The following STAG1 variants were observed in gnomAD, a reference collection of about 807,000 sequenced individuals.
STAG1 encodes cohesin subunit SA-1.
A neutral mutation model predicts 170.9 loss-of-function variants in STAG1; 26 were observed. The observed-to-expected ratio is 0.15, with a 90% CI of 0.11 to 0.21. STAG1 has a LOEUF of 0.21. STAG1 is among the 10% of genes least tolerant of loss of function. STAG1 has a pLI of 1.00. For synonymous variants in STAG1, 514 were observed against 497.7 expected, an observed-to-expected ratio of 1.03 and a Z score of -0.44; for missense variants, 964 against 1,509.5, an observed-to-expected ratio of 0.64 and a Z score of 5.99.
chr3:136,355,463 A>C (rs1396283129), intron 28 of STAG1, among the ~76,000 whole-genome samples: 2 of 152,044 alleles, frequency 1.3e-5, no homozygotes, highest in Non-Finnish European at 2.9e-5. Flanking sequence ...ATTCAATAGT[A>C]ATATTTGGAG....
intron 21 of STAG1, among the ~76,000 whole-genome samples, chr3:136,409,354 T>G (rs1435562582): frequency 6.6e-6 from 1 of 152,076 alleles, no homozygotes; most frequent in East Asian, 1.9e-4. Flanking sequence ...GTGACTATTT[T>G]TTTTTCCTTT....
At chr3:136,348,899 T>G in intron 29 of STAG1, 1 of 477,862 alleles carries the variant, frequency 2.1e-6, no homozygotes, top group South Asian at 2.3e-5. Context: ...GTATGGGGAT[T>G]GATTTTATAG....
At chr3:136,567,500 A>G (rs1386119324) in intron 5 of STAG1, among the ~76,000 whole-genome samples, 1 of 152,134 alleles carries the variant, frequency 6.6e-6, no homozygotes, top group African/African-American at 2.4e-5. Flanking sequence ...ATCTCACATC[A>G]GAGTTTATTT....
chr3:136,369,993 T>C (rs1937236246), intron 23 of STAG1, among the ~76,000 whole-genome samples: 1 of 152,184 alleles, frequency 6.6e-6, no homozygotes, highest in Admixed American at 6.6e-5. Flanking sequence ...ATCTAACTTG[T>C]GTATAGAACC....
chr3:136,678,277 C>T (rs2107883590), intron 1 of STAG1, among the ~76,000 whole-genome samples: 1 of 150,588 alleles, frequency 6.6e-6, no homozygotes, highest in East Asian at 1.9e-4. Context: ...AATAACAGTG[C>T]ATATTAGACT....
At chr3:136,508,642 G>A (rs1933889692) in intron 7 of STAG1, among the ~76,000 whole-genome samples, 1 of 152,212 alleles carries the variant, frequency 6.6e-6, no homozygotes, top group South Asian at 2.1e-4. Flanking sequence ...ATCCACAACT[G>A]TGCCACTGCA....
chr3:136,521,339 C>G lies in STAG1; in HGVS notation c.550G>C (p.Val184Leu). 6.2e-7 allele frequency: 1 copy of G among 1,613,732 alleles called. No individual in the cohort carries two copies. The highest frequency in any genetic ancestry group is 8.5e-7 in the Non-Finnish European group (1 of 1,179,786). ...CTATACTGACACTGTCGAATCAGGA[C>G]TCCAATAAATTCACAAAAGTTTGAA... Reference protein sequence around the residue: ...FRSNFCEFIGVLIRQCQYSII... With the variant: ...FRSNFCEFIGLLIRQCQYSII... Residue 184 changes from valine (V) to leucine (L), a missense_variant, in exon 7 of 34, where the codon GTC becomes CTC. Transcript: ENST00000383202.
intron 1 of STAG1, among the ~76,000 whole-genome samples, chr3:136,688,750 C>G (rs1298561113): frequency 6.6e-6 from 1 of 152,136 alleles, no homozygotes; most frequent in Non-Finnish European, 1.5e-5. Context: ...GAGTATATCT[C>G]CTTTTATCAA....
chr3:136,494,363 A>G (rs1932957178), intron 9 of STAG1, among the ~76,000 whole-genome samples: 1 of 152,248 alleles, frequency 6.6e-6, no homozygotes, highest in Admixed American at 6.5e-5. Context: ...CACAAAGAAA[A>G]GCCTGGTATT....
intron 1 of STAG1, among the ~76,000 whole-genome samples, chr3:136,688,475 CT>C: frequency 6.6e-6 from 1 of 152,078 alleles, no homozygotes; most frequent in East Asian, 1.9e-4. Context: ...TACTGACTCA[CT>C]AAAACCTCCG....
At chr3:136,678,483 T>G (rs1942213130) in intron 1 of STAG1, among the ~76,000 whole-genome samples, 1 of 149,986 alleles carries the variant, frequency 6.7e-6, no homozygotes, top group Non-Finnish European at 1.5e-5. Context: ...TAGATTCCCT[T>G]ATGTTATCCA....
chr3:136,637,687 T>C (rs1940625525), intron 1 of STAG1, among the ~76,000 whole-genome samples: 1 of 151,904 alleles, frequency 6.6e-6, no homozygotes, highest in Non-Finnish European at 1.5e-5. Context: ...TACATCAAAC[T>C]GGAATAAAAA....
intron 2 of STAG1, among the ~76,000 whole-genome samples, chr3:136,625,774 C>G (rs989205676): frequency 6.6e-6 from 1 of 152,244 alleles, no homozygotes; most frequent in Admixed American, 6.5e-5. Flanking sequence ...GCTGCTTATT[C>G]AAGCCATTCT....
intron 4 of STAG1, among the ~76,000 whole-genome samples, chr3:136,575,344 CCT>C (rs2107770989): frequency 6.6e-6 from 1 of 152,314 alleles, no homozygotes; most frequent in East Asian, 1.9e-4. Flanking sequence ...TCCACCTCAG[CCT>C]CTCAAGTAGC....
intron 4 of STAG1, among the ~76,000 whole-genome samples, chr3:136,578,360 C>G (rs1436027641): frequency 6.6e-6 from 1 of 152,092 alleles, no homozygotes; most frequent in Non-Finnish European, 1.5e-5. Flanking sequence ...ACCAGTACCC[C>G]TAGGAACAAT....
chr3:136,573,737 C>G (rs1292804895), intron 4 of STAG1, among the ~76,000 whole-genome samples: 1 of 152,088 alleles, frequency 6.6e-6, no homozygotes, highest in African/African-American at 2.4e-5. Context: ...CTTTGGGAGG[C>G]CGAAGCGGGC....
intron 1 of STAG1, among the ~76,000 whole-genome samples, chr3:136,668,569 C>G (rs557365951): frequency 1.3e-5 from 2 of 151,654 alleles, no homozygotes; most frequent in African/African-American, 2.4e-5. Context: ...ATAGAGAAAG[C>G]CTTCAGGCTG....
chr3:136,382,260 G>A (rs1220614194), intron 22 of STAG1, among the ~76,000 whole-genome samples: 13 of 152,118 alleles, frequency 8.5e-5, no homozygotes, highest in Admixed American at 8.5e-4. Context: ...CAAAGCAAAT[G>A]TGTCTTATGT....
intron 21 of STAG1, among the ~76,000 whole-genome samples, chr3:136,406,590 G>GT (rs1560092930): frequency 1.3e-5 from 2 of 152,076 alleles, no homozygotes; most frequent in Non-Finnish European, 2.9e-5. Flanking sequence ...AAAATTCACT[G>GT]TAACATTTTT....
Sources: gnomAD v4.1 joint callset for allele counts (sites outside exome capture counted in the v4.1 genomes callset) on GRCh38, gnomAD v4.1.1 for gene constraint, MANE v1.5 for transcripts, NCBI Gene and HGNC (gene_info 2026-07-23, HGNC 2026-07-21) for gene names.